Variants in ZMYND8 observed in about 807,000 individuals in gnomAD.
ZMYND8 encodes the protein zinc finger MYND-type containing 8.
A neutral mutation model predicts 140.8 loss-of-function variants in ZMYND8; 37 were observed. The observed-to-expected ratio is 0.26, with a 90% confidence interval of 0.20 to 0.35. The LOEUF (loss-of-function observed/expected upper bound fraction) is 0.35, where lower values mean the gene tolerates loss of function less well. ZMYND8 is among the 10% of genes least tolerant of loss of function. ZMYND8 has a pLI of 1.00. For missense variants in ZMYND8, 1,068 were observed against 1,570.0 expected (o/e 0.68, Z 5.40); for synonymous variants, 592 against 597.1 (o/e 0.99, Z 0.12).
At chr20:47,352,392 A>G (rs2082862564) in intron 1 of ZMYND8, 2 of 939,420 alleles carry the variant, frequency 2.1e-6, no homozygotes, top group Non-Finnish European at 2.5e-6. Context: ...AGCCAGTCCT[A>G]AGACAGTTAA....
chr20:47,345,498 C>T (rs1301956723), intron 2 of ZMYND8, among the ~76,000 whole-genome samples: 1 of 151,134 alleles, frequency 6.6e-6, no homozygotes, highest in Non-Finnish European at 1.5e-5. Context: ...GAGACAGAAC[C>T]TGACCCACTT....
rs41455644 is a variant in ZMYND8 at position 47,209,853 on chromosome 20, G to A, written c.*908C>T. On this transcript the variant is annotated 3_prime_UTR_variant, in exon 23 of 23. Coordinates refer to ENST00000471951, the MANE Select transcript of ZMYND8 (RefSeq NM_001281775.3). ...TACATGCTTCATCCCAGACTCAAAC[G>A]TCCTCTGCGTGCACCTTGCCTTTGA... 6.6e-6 allele frequency: 1 copy of A among 152,542 alleles called. No homozygotes were observed. The highest frequency in any genetic ancestry group is 1.5e-5 in the Non-Finnish European group (1 of 68,010). 9.4% of individuals were successfully genotyped at this position (152,542 alleles called of 1,614,324 possible).
intron 3 of ZMYND8, among the ~76,000 whole-genome samples, chr20:47,309,305 C>T (rs572879485): frequency 6.0e-5 from 9 of 151,090 alleles, no homozygotes; most frequent in African/African-American, 1.9e-4. Flanking sequence ...AACCTAAACC[C>T]TTCATTTTTT....
At chr20:47,311,766 A>G (rs1047775017) in intron 2 of ZMYND8, among the ~76,000 whole-genome samples, 1 of 152,198 alleles carries the variant, frequency 6.6e-6, no homozygotes, top group Non-Finnish European at 1.5e-5. Context: ...GCTACTTGGG[A>G]GACTGAGGCA....
intron 1 of ZMYND8, chr20:47,354,193 G>A (rs561175427): frequency 6.6e-6 from 1 of 152,292 alleles, no homozygotes; most frequent in Non-Finnish European, 1.5e-5. Flanking sequence ...GTCCAGGGTT[G>A]GGAACTTGCT....
At chr20:47,342,147 G>A (rs1344342407) in intron 2 of ZMYND8, among the ~76,000 whole-genome samples, 2 of 152,194 alleles carry the variant, frequency 1.3e-5, no homozygotes, top group African/African-American at 4.8e-5. Flanking sequence ...ACTCCAGCCT[G>A]GGCAACAGAG....
chr20:47,306,662 C>T (rs1489807556), intron 3 of ZMYND8, among the ~76,000 whole-genome samples: 1 of 151,462 alleles, frequency 6.6e-6, no homozygotes, highest in Non-Finnish European at 1.5e-5. Flanking sequence ...CCGCTGCCTC[C>T]CGGGTTCAAG....
At chr20:47,241,204 A>T (rs973821060) in intron 14 of ZMYND8, among the ~76,000 whole-genome samples, 1 of 150,750 alleles carries the variant, frequency 6.6e-6, no homozygotes, top group African/African-American at 2.4e-5. Context: ...CTGAGGCAGG[A>T]GAATCGCTTG....
chr20:47,349,936 T>C, intron 1 of ZMYND8: 1 of 1,535,366 alleles, frequency 6.5e-7, no homozygotes, highest in African/African-American at 1.4e-5. Flanking sequence ...AAGGGAACCA[T>C]TATTTGGCTT....
At chr20:47,315,402 AAAC>A (rs1282138239) in intron 2 of ZMYND8, among the ~76,000 whole-genome samples, 1 of 152,196 alleles carries the variant, frequency 6.6e-6, no homozygotes, top group Non-Finnish European at 1.5e-5. Flanking sequence ...GATAGGTTCC[AAAC>A]AACAGACACA....
At chr20:47,252,137 TAA>T (rs1399863891) in intron 12 of ZMYND8, among the ~76,000 whole-genome samples, 1 of 151,088 alleles carries the variant, frequency 6.6e-6, no homozygotes, top group Non-Finnish European at 1.5e-5. Context: ...CTACTAAAAA[TAA>T]AAAAATTAGC....
chr20:47,259,507 T>A (rs1331638650), intron 12 of ZMYND8, among the ~76,000 whole-genome samples: 3 of 152,084 alleles, frequency 2.0e-5, no homozygotes, highest in South Asian at 2.1e-4. Flanking sequence ...TAGGACAAGA[T>A]GGACCTGGAG....
intron 16 of ZMYND8, among the ~76,000 whole-genome samples, chr20:47,232,162 A>T (rs886150668): frequency 6.6e-6 from 1 of 152,198 alleles, no homozygotes; most frequent in Non-Finnish European, 1.5e-5. Context: ...ACCTGAGGTC[A>T]GGAGTTCGAG....
chr20:47,328,754 G>A (rs1407724947), intron 2 of ZMYND8, among the ~76,000 whole-genome samples: 1 of 152,186 alleles, frequency 6.6e-6, no homozygotes, highest in South Asian at 2.1e-4. Context: ...CACCGTGCCT[G>A]GCCAAGTTAG....
rs780664265 is a variant in ZMYND8, at chr20:47,210,840, G to A, written c.3626C>T (p.Thr1209Ile). Residue 1209 changes from threonine (T) to isoleucine (I), a missense_variant, in exon 23 of 23, where the codon ACA becomes ATA. By Grantham distance (89) the Thr-to-Ile change is moderately conservative. Transcript: ENST00000471951. ...GGTACTGGTGTTGTGATCGGAACGT[G>A]TCGATCCCCTCTTCTCATCACTGCT... ...WSSSDEKRGS[T>I]RSDHNTSTST... 1.2e-5 allele frequency: 19 copies of A among 1,613,998 alleles called. No individual in the cohort carries two copies. Among genetic ancestry groups the A allele is most frequent in the African/African-American group, 4.0e-5 (3 of 74,890 alleles).
At chr20:47,221,194 G>C in intron 20 of ZMYND8, 120 bp downstream of exon 20, 1 of 1,359,882 alleles carries the variant, frequency 7.4e-7, no homozygotes, top group Non-Finnish European at 1.0e-6. Context: ...GGAAATGCCG[G>C]CACACTGTTA....
chr20:47,235,698 C>T (rs2039140323), intron 16 of ZMYND8, among the ~76,000 whole-genome samples: 1 of 147,710 alleles, frequency 6.8e-6, no homozygotes, highest in African/African-American at 2.6e-5. Context: ...CAGAGTGAGA[C>T]TCCATCTCAA....
intron 5 of ZMYND8, among the ~76,000 whole-genome samples, chr20:47,294,068 C>T (rs114745325): frequency 2.0e-5 from 3 of 152,028 alleles, no homozygotes; most frequent in Non-Finnish European, 2.9e-5. Context: ...TCTTTTCTGG[C>T]GAGCCACAGT....
At position 47,239,079 on chromosome 20, in the gene ZMYND8, C is replaced by G; in HGVS notation, c.2344G>C (p.Val782Leu). ...VGSHSPPETPVLTRSSAQTSA... is the reference protein window; with the variant it reads ...VGSHSPPETPLLTRSSAQTSA... ...GTTTGGGCGGAAGAGCGGGTGAGCACCGGTGTTTCCGGGGGAGAATGGCTG... is the reference window on the plus strand; with the variant it reads ...GTTTGGGCGGAAGAGCGGGTGAGCAGCGGTGTTTCCGGGGGAGAATGGCTG... Residue 782 changes from valine to leucine, a missense_variant, in exon 15 of 23, where the codon GTG becomes CTG. By Grantham distance (32) the Val-to-Leu change is conservative (BLOSUM62 1). Around this residue, in one of 10 missense-constraint regions of ZMYND8, gnomAD observed 383 missense variants for 431.2 expected, o/e 0.89. Coordinates refer to ENST00000471951, the MANE Select transcript of ZMYND8 (RefSeq NM_001281775.3). 2.6e-6 allele frequency: 4 copies of G among 1,540,728 alleles called. No individual in the cohort carries two copies. The highest frequency in any genetic ancestry group is 3.5e-6 in the Non-Finnish European group (4 of 1,144,632).
Sources: gnomAD v4.1 joint callset for allele counts (sites outside exome capture counted in the v4.1 genomes callset) on GRCh38, gnomAD v4.1.1 for gene constraint, gnomAD v4.1.1 regional missense constraint, MANE v1.5 for transcripts, NCBI Gene and HGNC (gene_info 2026-07-23, HGNC 2026-07-21) for gene names.